The following ZPBP variants were observed in gnomAD, a reference collection of about 807,000 sequenced individuals.
ZPBP encodes the protein zona pellucida-binding protein 1.
A neutral mutation model predicts 44.8 loss-of-function variants in ZPBP; 26 were observed. The observed-to-expected ratio is 0.58, with a 90% CI of 0.43 to 0.81. The LOEUF (loss-of-function observed/expected upper bound fraction) is 0.81, where lower values mean the gene tolerates loss of function less well. Among genes scored for constraint, ZPBP ranks in the 30% least tolerant of loss-of-function variants. ZPBP has a pLI of 0.00. For synonymous variants in ZPBP, 174 were observed against 153.2 expected (o/e 1.14, Z -1.00); for missense variants, 409 against 434.0 (o/e 0.94, Z 0.51).
At chr7:49,856,764 G>T (rs1790432915) in intron 2 of ZPBP, among the ~76,000 whole-genome samples, 1 of 152,072 alleles carries the variant, frequency 6.6e-6, no homozygotes, top group South Asian at 2.1e-4. Context: ...CACGTAACAT[G>T]ATTGGGAGGC....
chr7:49,859,492 CTTG>C (rs1463123364), intron 2 of ZPBP, among the ~76,000 whole-genome samples: 1 of 151,864 alleles, frequency 6.6e-6, no homozygotes, highest in East Asian at 1.9e-4. Context: ...GATTTTTTTT[CTTG>C]TTGTTCTTCA....
At chr7:50,048,420 T>G (rs147218198) in intron 4 of ZPBP, among the ~76,000 whole-genome samples, 1 of 152,238 alleles carries the variant, frequency 6.6e-6, no homozygotes, top group African/African-American at 2.4e-5. Context: ...AGAATATGCA[T>G]TCTTCTCAAA....
rs577084681 is a variant in ZPBP, at chr7:50,007,888, A to G, written c.783+10352T>C. On this transcript the variant is annotated intron_variant, in intron 6 of 7. Transcript: ENST00000046087. ...ACTACTTTAACATAATAAAGGCCATATAACAAAAGTCCACCACTAACATCA... is the reference window on the plus strand; with the variant it reads ...ACTACTTTAACATAATAAAGGCCATGTAACAAAAGTCCACCACTAACATCA... 2.6e-5 allele frequency among the ~76,000 whole-genome samples: 4 copies of G among 152,162 alleles called. No individual in the cohort carries two copies. The South Asian group carries it at 8.3e-4, about 32-fold the overall frequency.
At chr7:50,090,471 ATGTTTG>A (rs1255785270) in intron 1 of ZPBP, among the ~76,000 whole-genome samples, 1 of 55,384 alleles carries the variant, frequency 1.8e-5, no homozygotes, top group Non-Finnish European at 3.9e-5. Flanking sequence ...ATATATATTT[ATGTTTG>A]TGTGTGTGTG....
At chr7:49,962,613 T>G (rs1795902538) in intron 7 of ZPBP, among the ~76,000 whole-genome samples, 1 of 151,894 alleles carries the variant, frequency 6.6e-6, no homozygotes. Flanking sequence ...GTTTAAAGTT[T>G]TCTAAATACA....
Position 50,018,325 on chromosome 7 carries a change from A to T in ZPBP, c.707-9T>A. 1 of 1,579,100 alleles carries T rather than the reference A, an allele frequency of 6.3e-7. No homozygotes were observed. Among genetic ancestry groups the T allele is most frequent in the Non-Finnish European group, 8.7e-7 (1 of 1,151,818 alleles). On this transcript the variant is annotated splice_polypyrimidine_tract_variant and intron_variant, in intron 5 of 7. Transcript: ENST00000046087. ...AGTGTCTAGAGATGAAACTGAGAAA[A>T]TATATTATATTTTATCATGGGTATA...
intron 7 of ZPBP, among the ~76,000 whole-genome samples, chr7:49,949,936 T>C (rs1795266073): frequency 6.6e-6 from 1 of 151,988 alleles, no homozygotes; most frequent in Non-Finnish European, 1.5e-5. Context: ...GTTGGAAATG[T>C]ATTAATAAAA....
At chr7:50,053,809 C>T (rs569123292) in intron 4 of ZPBP, among the ~76,000 whole-genome samples, 22 of 152,232 alleles carry the variant, frequency 1.4e-4, no homozygotes, top group African/African-American at 5.1e-4. Context: ...TGCTCTTTGT[C>T]TAACAAATAA....
intron 2 of ZPBP, among the ~76,000 whole-genome samples, chr7:49,859,192 T>A (rs56043356): frequency 6.6e-6 from 1 of 152,362 alleles, no homozygotes; most frequent in East Asian, 1.9e-4. Flanking sequence ...TAGGAGTTTT[T>A]AAAGTCTTCT....
intron 7 of ZPBP, among the ~76,000 whole-genome samples, chr7:49,970,427 G>A (rs1796249689): frequency 7.5e-6 from 1 of 134,018 alleles, no homozygotes; most frequent in Non-Finnish European, 1.6e-5. Context: ...TCAGACCTAA[G>A]AGTATTATAC....
At chr7:49,924,640 C>T (rs935498048) in intron 1 of ZPBP, among the ~76,000 whole-genome samples, 2 of 152,094 alleles carry the variant, frequency 1.3e-5, no homozygotes, top group African/African-American at 4.8e-5. Flanking sequence ...GGGGCTGTCA[C>T]TAGAGACTCT....
intron 2 of ZPBP, among the ~76,000 whole-genome samples, chr7:49,867,835 A>AT (rs1229317602): frequency 0.012 from 1,018 of 82,054 alleles, 3 homozygotes; most frequent in Non-Finnish European, 0.022. Context: ...TTATTTTATT[A>AT]TTTTATTTTA....
Position 50,057,971 on chromosome 7 carries a change from A to G in ZPBP, c.487+18T>C, listed in dbSNP as rs1801050201. 3.1e-6 allele frequency: 5 copies of G among 1,601,206 alleles called. No individual in the cohort carries two copies. The highest frequency in any genetic ancestry group is 1.1e-5 in the South Asian group (1 of 90,338). On this transcript the variant is annotated intron_variant, in intron 4 of 7. Transcript: ENST00000046087. ...AATCATTAAGAAAGGTTAAAACACA[A>G]CTAACTTTACTTCTTACCATATATA... is the stretch of plus-strand genomic sequence containing the variant.
chr7:49,949,470 C>A (rs969736119), intron 7 of ZPBP, among the ~76,000 whole-genome samples: 2 of 152,050 alleles, frequency 1.3e-5, no homozygotes, highest in African/African-American at 4.8e-5. Context: ...AATTCTGACA[C>A]ATGCTATAAC....
chr7:49,940,478 T>G (rs1316352880), intron 7 of ZPBP, among the ~76,000 whole-genome samples: 1 of 152,010 alleles, frequency 6.6e-6, no homozygotes, highest in Non-Finnish European at 1.5e-5. Flanking sequence ...GAAATCCAGA[T>G]AGACATCAGA....
At chr7:50,028,287 A>T (rs1362553644) in intron 5 of ZPBP, among the ~76,000 whole-genome samples, 1 of 8,338 alleles carries the variant, frequency 1.2e-4, no homozygotes, top group South Asian at 2.5e-3. Context: ...TGAAAATTAA[A>T]AAAAAAACAC....
intron 6 of ZPBP, 63 bp from the exon 7 acceptor site, chr7:49,983,582 A>T: frequency 9.8e-7 from 1 of 1,024,052 alleles, no homozygotes; most frequent in Admixed American, 2.4e-5. Context: ...AGAACAAATA[A>T]GGATGCATGT....
chr7:49,977,263 T>C (rs141410224), intron 7 of ZPBP, among the ~76,000 whole-genome samples: 23 of 152,220 alleles, frequency 1.5e-4, no homozygotes, highest in African/African-American at 5.5e-4. Flanking sequence ...ATAAGAACAA[T>C]GTCTTTGTGG....
At chr7:50,031,910 A>G (rs1015728469) in intron 4 of ZPBP, among the ~76,000 whole-genome samples, 1 of 152,128 alleles carries the variant, frequency 6.6e-6, no homozygotes, top group Non-Finnish European at 1.5e-5. Flanking sequence ...AAAAATGAAA[A>G]GAAATTCACT....
Sources: allele counts gnomAD v4.1 joint callset (sites outside exome capture counted in the v4.1 genomes callset), GRCh38; gene constraint gnomAD v4.1.1; transcripts MANE v1.5; gene names NCBI Gene and HGNC (gene_info 2026-07-23, HGNC 2026-07-21).